The following ADCY1 variants were observed in gnomAD, a reference collection of about 807,000 sequenced individuals.
ADCY1 encodes adenylate cyclase type 1.
In ADCY1, 28 loss-of-function variants were observed where a neutral mutation model predicts 105.4. That is an observed-to-expected ratio of 0.27 (90% CI 0.20 to 0.36). The LOEUF (loss-of-function observed/expected upper bound fraction) is 0.36, where lower values mean the gene tolerates loss of function less well. ADCY1 is among the 10% of genes least tolerant of loss of function. The pLI, the probability that ADCY1 is intolerant of heterozygous loss-of-function variation, is 1.00. For synonymous variants in ADCY1, 655 were observed against 623.8 expected (o/e 1.05, Z -0.75); for missense variants, 977 against 1,434.2 (o/e 0.68, Z 5.15).
chr7:45,687,720 C>T (rs1468986775), intron 14 of ADCY1, among the ~76,000 whole-genome samples: 1 of 152,184 alleles, frequency 6.6e-6, no homozygotes, highest in Non-Finnish European at 1.5e-5. Context: ...GCTGGGATTA[C>T]AGACAAGAAC....
At chr7:45,600,872 C>T (rs1202020040) in intron 2 of ADCY1, among the ~76,000 whole-genome samples, 1 of 152,142 alleles carries the variant, frequency 6.6e-6, no homozygotes, top group Admixed American at 6.5e-5. Flanking sequence ...AATGCAGCCA[C>T]ATTGGATTAG....
At chr7:45,704,719 C>A in intron 17 of ADCY1, 103 bp downstream of exon 17, 1 of 898,364 alleles carries the variant, frequency 1.1e-6, no homozygotes, top group Admixed American at 2.2e-5. Flanking sequence ...TGTTTGCCCT[C>A]TGTGTTGGAT....
intron 14 of ADCY1, among the ~76,000 whole-genome samples, chr7:45,694,120 A>C (rs916669234): frequency 6.6e-5 from 2 of 30,084 alleles, no homozygotes; most frequent in Admixed American, 1.1e-3. Flanking sequence ...TATAATAAAA[A>C]AAAAAAAAAA....
rs76948823 is a variant in ADCY1, at chr7:45,689,559, C to T, written c.2454+2886C>T. The stretch of plus-strand genomic sequence containing the variant: ...GATCTTGCGAGAACTCTGACTATCG[C>T]GAGAAAGGATAGCACCAAGCCATGA... On this transcript the variant is annotated intron_variant, in intron 14 of 19. Coordinates refer to ENST00000297323, the MANE Select transcript of ADCY1 (RefSeq NM_021116.4). 2.6e-3 allele frequency among the ~76,000 whole-genome samples: 394 copies of T among 152,196 alleles called. 1 individual carries two copies. Among genetic ancestry groups the T allele is most frequent in the East Asian group, 0.014 (71 of 5,166 alleles).
intron 8 of ADCY1, among the ~76,000 whole-genome samples, chr7:45,673,462 A>G (rs2471260): frequency 0.7 from 106,814 of 152,054 alleles, 39,622 homozygotes; most frequent in South Asian, 0.84. Flanking sequence ...TTTAGAAATT[A>G]TAGGATTTTT....
intron 4 of ADCY1, among the ~76,000 whole-genome samples, chr7:45,634,113 T>C (rs1011693894): frequency 1.3e-5 from 2 of 152,208 alleles, no homozygotes; most frequent in African/African-American, 4.8e-5. Context: ...TCCGCTGAGC[T>C]CACTCATTTC....
At chr7:45,698,090 C>T (rs978059364) in intron 14 of ADCY1, among the ~76,000 whole-genome samples, 1 of 152,036 alleles carries the variant, frequency 6.6e-6, no homozygotes, top group Non-Finnish European at 1.5e-5. Flanking sequence ...AAGAGAAATA[C>T]AACAAGATGC....
chr7:45,693,812 G>T (rs945200422), intron 14 of ADCY1, among the ~76,000 whole-genome samples: 2 of 143,216 alleles, frequency 1.4e-5, no homozygotes, highest in African/African-American at 5.3e-5. Flanking sequence ...CATATCCTTT[G>T]TAGGGACATG....
At chr7:45,660,732 T>TGTTCAGGGGACAGGTGAGGG (rs1795074367) in intron 7 of ADCY1, among the ~76,000 whole-genome samples, 1 of 137,842 alleles carries the variant, frequency 7.3e-6, no homozygotes, top group Non-Finnish European at 1.6e-5. Context: ...ACAGGTGAGG[T>TGTTCAGGGGACAGGTGAGGG]GTTCAGGGCT....
At chr7:45,654,520 G>A (rs1466501523) in intron 5 of ADCY1, among the ~76,000 whole-genome samples, 1 of 152,202 alleles carries the variant, frequency 6.6e-6, no homozygotes, top group Admixed American at 6.5e-5. Flanking sequence ...CCTGGAGGTC[G>A]TGCGAGAAGG....
intron 8 of ADCY1, among the ~76,000 whole-genome samples, chr7:45,669,167 G>A (rs867258773): frequency 2.6e-5 from 4 of 152,076 alleles, no homozygotes; most frequent in Non-Finnish European, 5.9e-5. Flanking sequence ...CTTGGCTTCC[G>A]CTAGCTTTTG....
chr7:45,590,856 C>T (rs1484418141), intron 1 of ADCY1, among the ~76,000 whole-genome samples: 3 of 152,176 alleles, frequency 2.0e-5, no homozygotes, highest in Non-Finnish European at 4.4e-5. Flanking sequence ...CAGGGGCAAC[C>T]TCCTGCCTGT....
At chr7:45,587,432 C>G (rs73318950) in intron 1 of ADCY1, among the ~76,000 whole-genome samples, 552 of 152,034 alleles carry the variant, frequency 3.6e-3, no homozygotes, top group Non-Finnish European at 6.0e-3. Flanking sequence ...TTGTGTCAGG[C>G]GGTGGGGTTA....
At chr7:45,680,378 C>T (rs1414946096) in intron 11 of ADCY1, 4 of 165,046 alleles carry the variant, frequency 2.4e-5, no homozygotes, top group East Asian at 1.7e-4. Context: ...GTGAGCTTTG[C>T]GGCCTTGTAC....
intron 14 of ADCY1, among the ~76,000 whole-genome samples, chr7:45,702,531 C>T (rs1034958508): frequency 7.2e-5 from 11 of 152,222 alleles, no homozygotes; most frequent in Admixed American, 1.3e-4. Context: ...TAGAGTATTC[C>T]CCAAGCTTCA....
At chr7:45,670,360 A>G (rs1347725821) in intron 8 of ADCY1, among the ~76,000 whole-genome samples, 8 of 152,256 alleles carry the variant, frequency 5.3e-5, no homozygotes, top group African/African-American at 1.7e-4. Context: ...GAGGACAGTC[A>G]GTAACCCAGG....
At chr7:45,675,016 T>C (rs79296156) in intron 8 of ADCY1, among the ~76,000 whole-genome samples, 5,574 of 152,226 alleles carry the variant, frequency 0.037, 119 homozygotes, top group East Asian at 0.065. Context: ...TTAATTGGTA[T>C]ATTTAGAATA....
At chr7:45,649,548 T>A (rs1024289153) in intron 5 of ADCY1, among the ~76,000 whole-genome samples, 1 of 152,174 alleles carries the variant, frequency 6.6e-6, no homozygotes, top group Non-Finnish European at 1.5e-5. Flanking sequence ...TGTAGGGAGA[T>A]GATGGGTAGT....
intron 1 of ADCY1, among the ~76,000 whole-genome samples, chr7:45,587,334 G>A (rs903899225): frequency 6.6e-6 from 1 of 152,190 alleles, no homozygotes; most frequent in Non-Finnish European, 1.5e-5. Flanking sequence ...CGGGTCTCTT[G>A]TGTGCCAGGG....
Sources: gnomAD v4.1 joint callset for allele counts (sites outside exome capture counted in the v4.1 genomes callset) on GRCh38, gnomAD v4.1.1 for gene constraint, MANE v1.5 for transcripts, NCBI Gene and HGNC (gene_info 2026-07-23, HGNC 2026-07-21) for gene names.